The following ESRRB variants were observed in gnomAD, a reference collection of about 807,000 sequenced individuals.
ESRRB encodes the protein estrogen related receptor beta, also known as steroid hormone receptor ERR2.
A neutral mutation model predicts 46.0 loss-of-function variants in ESRRB; 16 were observed. The observed-to-expected ratio is 0.35, with a 90% CI of 0.24 to 0.53. The LOEUF is 0.53. ESRRB is among the 20% of genes least tolerant of loss of function. ESRRB has a pLI of 0.93. For missense variants in ESRRB, 488 were observed against 607.4 expected, an observed-to-expected ratio of 0.80 and a Z score of 2.07; for synonymous variants, 246 against 259.6, an observed-to-expected ratio of 0.95 and a Z score of 0.50.
intron 1 of ESRRB, among the ~76,000 whole-genome samples, chr14:76,327,342 A>C (rs569209341): frequency 6.6e-6 from 1 of 152,342 alleles, no homozygotes; most frequent in African/African-American, 2.4e-5. Context: ...GTCTATGCTC[A>C]TGTGAGTCCA....
chr14:76,317,891 T>C (rs1249633473), intron 1 of ESRRB, among the ~76,000 whole-genome samples: 1 of 152,158 alleles, frequency 6.6e-6, no homozygotes, highest in African/African-American at 2.4e-5. Context: ...ACCAGTAAGA[T>C]AGGTTATCCA....
At chr14:76,380,251 G>A (rs1884955275) in intron 1 of ESRRB, among the ~76,000 whole-genome samples, 1 of 152,166 alleles carries the variant, frequency 6.6e-6, no homozygotes, top group African/African-American at 2.4e-5. Flanking sequence ...ATGGGCCGGA[G>A]GAAGGATGCG....
intron 3 of ESRRB, among the ~76,000 whole-genome samples, chr14:76,480,692 G>A (rs575674412): frequency 1.6e-3 from 251 of 152,188 alleles, no homozygotes; most frequent in Non-Finnish European, 3.0e-3. Context: ...GCTGAAGGAT[G>A]GACAAGGCTG....
chr14:76,360,357 G>A (rs915548810), intron 1 of ESRRB, among the ~76,000 whole-genome samples: 2 of 152,196 alleles, frequency 1.3e-5, no homozygotes, highest in African/African-American at 2.4e-5. Flanking sequence ...CCGGAGCAGA[G>A]CAGGGATCTG....
intron 1 of ESRRB, among the ~76,000 whole-genome samples, chr14:76,398,719 A>G (rs1042469484): frequency 1.3e-5 from 2 of 152,168 alleles, no homozygotes; most frequent in Non-Finnish European, 2.9e-5. Flanking sequence ...CCAGATACAC[A>G]TGCTGATAGA....
chr14:76,380,819 G>A (rs1884981565), intron 1 of ESRRB, among the ~76,000 whole-genome samples: 2 of 152,190 alleles, frequency 1.3e-5, no homozygotes, highest in African/African-American at 4.8e-5. Context: ...TAGAGGTGCT[G>A]CCAGTGCAGG....
At chr14:76,323,203 A>AT (rs762058863) in intron 1 of ESRRB, among the ~76,000 whole-genome samples, 14 of 151,272 alleles carry the variant, frequency 9.3e-5, no homozygotes, top group Non-Finnish European at 1.8e-4. Context: ...CAACAGAGAG[A>AT]TTTTTTGTCT....
chr14:76,471,651 C>T (rs957404647), intron 3 of ESRRB, among the ~76,000 whole-genome samples: 4 of 152,194 alleles, frequency 2.6e-5, no homozygotes, highest in Non-Finnish European at 4.4e-5. Context: ...CTTCCGACCT[C>T]AAGTTAAATG....
intron 1 of ESRRB, among the ~76,000 whole-genome samples, chr14:76,340,590 G>C (rs899268502): frequency 2.0e-5 from 3 of 152,210 alleles, no homozygotes; most frequent in African/African-American, 7.2e-5. Context: ...GGTGTGTGCA[G>C]GAATGTGCGT....
chr14:76,368,738 G>C (rs1884556036), upstream of ESRRB, among the ~76,000 whole-genome samples: 1 of 152,144 alleles, frequency 6.6e-6, no homozygotes, highest in African/African-American at 2.4e-5. Context: ...GTTATGGATG[G>C]CCATGCTATG....
intron 5 of ESRRB, among the ~76,000 whole-genome samples, chr14:76,489,962 T>C (rs1890160552): frequency 1.3e-5 from 2 of 152,224 alleles, no homozygotes; most frequent in Admixed American, 1.3e-4. Flanking sequence ...GCATGTTGAG[T>C]GCTGATGGCG....
At chr14:76,432,300 A>T (rs1887481748) in intron 1 of ESRRB, among the ~76,000 whole-genome samples, 1 of 152,220 alleles carries the variant, frequency 6.6e-6, no homozygotes, top group Non-Finnish European at 1.5e-5. Context: ...TCAGCCCCAG[A>T]TGTTAGTAGT....
intron 1 of ESRRB, among the ~76,000 whole-genome samples, chr14:76,386,715 G>A (rs1411639121): frequency 6.6e-6 from 1 of 152,096 alleles, no homozygotes; most frequent in African/African-American, 2.4e-5. Flanking sequence ...GCCTGCCTCT[G>A]CCTCCAAATG....
chr14:76,473,609 T>C (rs1157687044), intron 3 of ESRRB, among the ~76,000 whole-genome samples: 1 of 152,224 alleles, frequency 6.6e-6, no homozygotes, highest in Non-Finnish European at 1.5e-5. Context: ...GTGGCCCCGC[T>C]GCGGCTGACC....
chr14:76,496,311 T>C (rs1890422322), intron 6 of ESRRB, among the ~76,000 whole-genome samples: 1 of 152,030 alleles, frequency 6.6e-6, no homozygotes, highest in Non-Finnish European at 1.5e-5. Flanking sequence ...GAGGATCATG[T>C]AAAGGGCTCA....
At chr14:76,449,711 GA>G (rs1888302290) in intron 2 of ESRRB, among the ~76,000 whole-genome samples, 1 of 151,058 alleles carries the variant, frequency 6.6e-6, no homozygotes, top group African/African-American at 2.4e-5. Flanking sequence ...TCTGATGTGA[GA>G]ACTTGTAAAG....
upstream of ESRRB, among the ~76,000 whole-genome samples, chr14:76,375,769 A>T (rs1884737802): frequency 6.6e-6 from 1 of 152,200 alleles, no homozygotes; most frequent in Non-Finnish European, 1.5e-5. Context: ...GATCCATTCC[A>T]GAAAGGCTGA....
Position 76,416,876 on chromosome 14 carries a change from C to A in ESRRB, c.51-22465C>A, listed in dbSNP as rs181632298. 1.4e-3 allele frequency among the ~76,000 whole-genome samples: 210 copies of A among 152,216 alleles called. 4 individuals carry two copies. Among genetic ancestry groups the A allele is most frequent in the East Asian group, 6.6e-3 (34 of 5,184 alleles). ...AAGACCCTGCCTTCAGGGAACTTAACCTTAGGTGGACAGATGATAAACGGA... is the reference window on the plus strand; with the variant it reads ...AAGACCCTGCCTTCAGGGAACTTAAACTTAGGTGGACAGATGATAAACGGA... On this transcript the variant is annotated intron_variant, in intron 1 of 6. Transcript: ENST00000644823.
chr14:76,440,547 A>ACCTTCCTTCCTTCCTT (rs112136509), intron 2 of ESRRB, among the ~76,000 whole-genome samples: 3 of 151,106 alleles, frequency 2.0e-5, no homozygotes, highest in African/African-American at 2.4e-5. Context: ...TTTAAGACCG[A>ACCTTCCTTCCTTCCTT]CCTTCCTTCA....
Sources: allele counts gnomAD v4.1 joint callset (sites outside exome capture counted in the v4.1 genomes callset), GRCh38; gene constraint gnomAD v4.1.1; transcripts MANE v1.5; gene names NCBI Gene and HGNC (gene_info 2026-07-23, HGNC 2026-07-21).